Variants in EIF2A observed in about 807,000 individuals in gnomAD.
EIF2A encodes 65 kDa eukaryotic translation initiation factor 2A.
In EIF2A, 62 loss-of-function variants were observed where a neutral mutation model predicts 75.2. The observed-to-expected ratio is 0.82, with a 90% CI of 0.67 to 1.02. The LOEUF (loss-of-function observed/expected upper bound fraction) is 1.02. EIF2A is among the 50% of genes least tolerant of loss of function. The pLI is 0.00. For synonymous variants in EIF2A, 207 were observed against 239.0 expected (o/e 0.87, Z 1.23); for missense variants, 611 against 677.7 (o/e 0.90, Z 1.09).
chr3:150,552,530 C>A, intron 2 of EIF2A, 105 bp downstream of exon 2: 1 of 882,888 alleles, frequency 1.1e-6, no homozygotes, highest in South Asian at 1.8e-5. Flanking sequence ...AACAGATGAA[C>A]TCATTTTTAT....
chr3:150,584,183 AT>A lies in EIF2A; in HGVS notation c.*281del, dbSNP rs957584228. On this transcript the variant is annotated 3_prime_UTR_variant, in exon 14 of 14. Coordinates refer to ENST00000460851, the MANE Select transcript of EIF2A (RefSeq NM_032025.5). ...CTTGACAGATTGAAAGACAAGTGTCATTTTTTTTTGTAGAGGGTGATATATA... is the reference window on the plus strand; with the variant it reads ...CTTGACAGATTGAAAGACAAGTGTCATTTTTTTTGTAGAGGGTGATATATA... The A allele has an allele frequency of 1.3e-3, 405 of 304,374 alleles. No individual in the cohort carries two copies. Among genetic ancestry groups the A allele is most frequent in the Middle Eastern group, 1.9e-3 (2 of 1,068 alleles). The allele number at this position is 304,374 out of a possible 1,614,324, so 18.9% of individuals were successfully genotyped here.
chr3:150,547,160 T>G, intron 1 of EIF2A: 4 of 363,820 alleles, frequency 1.1e-5, no homozygotes, highest in East Asian at 5.4e-5. Context: ...ACACGGGCCC[T>G]TGTGAAGTCA....
chr3:150,546,796 G>A lies in EIF2A; in HGVS notation c.-7G>A. The A allele has an allele frequency of 6.2e-7, 1 of 1,612,444 alleles. No homozygotes were observed. The highest frequency in any genetic ancestry group is 8.5e-7 in the Non-Finnish European group (1 of 1,179,886). ...CTCACCCGAGCGGTTTCTCTTTCCG[G>A]GACAACATGGCGCCGTCCACGCCGC... On this transcript the variant is annotated 5_prime_UTR_variant, in exon 1 of 14. Transcript: ENST00000460851.
At chr3:150,563,492 G>GA (rs1261525754) in intron 4 of EIF2A, 23 bp from the exon 5 acceptor site, 9 of 1,533,792 alleles carry the variant, frequency 5.9e-6, no homozygotes, top group Non-Finnish European at 7.9e-6. Flanking sequence ...GGCAATTACT[G>GA]AAAAAAAGAA....
Position 150,552,383 on chromosome 3 carries a change from T to C in EIF2A, c.56T>C (p.Val19Ala). Residue 19 changes from valine to alanine, a missense_variant, in exon 2 of 14, where the codon GTG becomes GCG. Val to Ala is a moderately conservative substitution (Grantham distance 64). Coordinates refer to ENST00000460851, the MANE Select transcript of EIF2A (RefSeq NM_032025.5). ...TVRGSEGLYMVNGPPHFTEST... is the reference protein window; with the variant it reads ...TVRGSEGLYMANGPPHFTEST... Reference sequence around the variant, plus strand: ...CGAGGATCAGAAGGACTGTACATGGTGAATGGACCACCACATTTTACAGAA... The same window carrying C: ...CGAGGATCAGAAGGACTGTACATGGCGAATGGACCACCACATTTTACAGAA... 6.4e-7 allele frequency: 1 copy of C among 1,553,254 alleles called. No individual in the cohort carries two copies. Among genetic ancestry groups the C allele is most frequent in the Admixed American group, 2.0e-5 (1 of 51,150 alleles).
Position 150,572,475 on chromosome 3 carries a change from A to G in EIF2A, c.1329A>G (p.Ala443=), listed in dbSNP as rs757379535. 1 of 1,613,908 alleles carries G rather than the reference A, an allele frequency of 6.2e-7. No homozygotes were observed. The highest frequency in any genetic ancestry group is 1.3e-5 in the African/African-American group (1 of 74,948). ...TACCCAATGAGGAACCTAAAGTTGC[A>G]ACAGCTTATAGACCCCCAGCTTTAA... The part of the protein sequence containing the change: ...SEVPNEEPKV[A]TAYRPPALRN... Residue 443 remains alanine, a synonymous_variant, in exon 10 of 14, where the codon GCA becomes GCG. Transcript: ENST00000460851.
intron 9 of EIF2A, among the ~76,000 whole-genome samples, chr3:150,569,790 G>A (rs565655071): frequency 6.6e-5 from 10 of 151,832 alleles, no homozygotes; most frequent in Admixed American, 2.6e-4. Flanking sequence ...ACTCCAGCCC[G>A]CTGACAGGGT....
At chr3:150,546,938 T>C in intron 1 of EIF2A, 108 bp downstream of exon 1, 3 of 1,508,472 alleles carry the variant, frequency 2.0e-6, no homozygotes, top group South Asian at 2.3e-5. Flanking sequence ...CTGCCTTTTC[T>C]TGTGGCTTGC....
At chr3:150,561,152 T>A (rs2107920568) in intron 3 of EIF2A, among the ~76,000 whole-genome samples, 1 of 152,318 alleles carries the variant, frequency 6.6e-6, no homozygotes, top group Non-Finnish European at 1.5e-5. Context: ...TTAATTGAGA[T>A]GGGATCTTGC....
At chr3:150,570,028 C>T (rs931293887) in intron 9 of EIF2A, among the ~76,000 whole-genome samples, 14 of 151,962 alleles carry the variant, frequency 9.2e-5, no homozygotes, top group African/African-American at 3.1e-4. Flanking sequence ...GCTAGCCATT[C>T]GAAACAAAAG....
intron 9 of EIF2A, among the ~76,000 whole-genome samples, chr3:150,568,897 A>T (rs1369923901): frequency 6.6e-6 from 1 of 152,220 alleles, no homozygotes; most frequent in Non-Finnish European, 1.5e-5. Context: ...AGCCTGGGTG[A>T]AAGAGCGAGA....
At chr3:150,551,999 T>C (rs1358093641) in intron 1 of EIF2A, among the ~76,000 whole-genome samples, 2 of 152,222 alleles carry the variant, frequency 1.3e-5, no homozygotes, top group African/African-American at 4.8e-5. Flanking sequence ...TATTTCCATT[T>C]TACAGATTAG....
rs1353734112 is a variant in EIF2A, at chr3:150,570,574, AAAAG to A, written c.812-1381_812-1378del. The stretch of plus-strand genomic sequence containing the variant: ...AAATGAGACCATCTCTTTAAAAAAA[AAAAG>A]AAGAAGAAAAAAAATCAGCCCATAG... On this transcript the variant is annotated intron_variant, in intron 9 of 13. Transcript: ENST00000460851. Among the ~76,000 whole-genome samples the A allele has an allele frequency of 6.6e-5, 10 of 151,960 alleles. 1 individual carries two copies. Among genetic ancestry groups the A allele is most frequent in the South Asian group, 4.1e-4 (2 of 4,820 alleles).
chr3:150,557,882 G>A (rs993662568), intron 2 of EIF2A, among the ~76,000 whole-genome samples: 1 of 152,064 alleles, frequency 6.6e-6, no homozygotes, highest in Non-Finnish European at 1.5e-5. Flanking sequence ...TTATTTTTTA[G>A]CCAGGAAGTT....
At position 150,567,766 on chromosome 3, in the gene EIF2A, G is replaced by A. The variant is rs1724265512; in HGVS notation, c.549G>A (p.Lys183=). 19 of 1,565,118 alleles carry A rather than the reference G, an allele frequency of 1.2e-5. No individual in the cohort carries two copies. Among genetic ancestry groups the A allele is most frequent in the Non-Finnish European group, 1.6e-5 (19 of 1,154,634 alleles). The change falls in exon 7 of 14, where the codon AAG becomes AAA. Residue 183 remains lysine, a splice_region_variant and synonymous_variant. Coordinates refer to ENST00000460851, the MANE Select transcript of EIF2A (RefSeq NM_032025.5). ...FVLSPGPQPY[K]VAVYVPGSKG... is the part of the protein sequence containing the mutation. Reference sequence around the variant, plus strand: ...TATCACCTGGACCCCAACCATACAAGGTAATTGCTGTTTTTGTTTATGTGT... The same window carrying A: ...TATCACCTGGACCCCAACCATACAAAGTAATTGCTGTTTTTGTTTATGTGT...
intron 10 of EIF2A, among the ~76,000 whole-genome samples, chr3:150,573,411 C>T (rs761008587): frequency 4.6e-5 from 7 of 152,160 alleles, no homozygotes; most frequent in Non-Finnish European, 7.4e-5. Flanking sequence ...GCCACCACGT[C>T]CAGCTAATTT....
At chr3:150,549,148 C>T (rs1723193564) in intron 1 of EIF2A, among the ~76,000 whole-genome samples, 1 of 151,670 alleles carries the variant, frequency 6.6e-6, no homozygotes, top group Admixed American at 6.6e-5. Context: ...CTCGTATAAC[C>T]TAAAAGCCTC....
intron 3 of EIF2A, among the ~76,000 whole-genome samples, chr3:150,561,015 G>T (rs1056522843): frequency 6.6e-6 from 1 of 152,046 alleles, no homozygotes; most frequent in Non-Finnish European, 1.5e-5. Flanking sequence ...TTTTGTCATT[G>T]TACCATAATA....
intron 9 of EIF2A, among the ~76,000 whole-genome samples, chr3:150,571,462 T>C (rs1180712700): frequency 1.3e-5 from 2 of 152,014 alleles, no homozygotes; most frequent in Non-Finnish European, 2.9e-5. Flanking sequence ...TTTAAAAATA[T>C]AGGGCCCAGT....
Sources: gnomAD v4.1 joint callset for allele counts (sites outside exome capture counted in the v4.1 genomes callset) on GRCh38, gnomAD v4.1.1 for gene constraint, MANE v1.5 for transcripts, NCBI Gene and HGNC (gene_info 2026-07-23, HGNC 2026-07-21) for gene names.